Variants in CLASRP observed in about 807,000 individuals in gnomAD.
CLASRP encodes CLK4-associating serine/arginine rich protein.
In CLASRP, 52 loss-of-function variants were observed where a neutral mutation model predicts 99.9. The ratio of observed to expected loss-of-function variants is 0.52; its 90% CI spans 0.42 to 0.66. CLASRP has a LOEUF of 0.66. Among genes scored for constraint, CLASRP ranks in the 30% least tolerant of loss-of-function variants. CLASRP has a pLI of 0.00. For synonymous variants in CLASRP, 379 were observed against 373.0 expected (o/e 1.02, Z -0.18); for missense variants, 848 against 999.2 (o/e 0.85, Z 2.04).
intron 18 of CLASRP, 21 bp downstream of exon 18, chr19:45,069,269 G>C (rs1292490465): frequency 6.2e-7 from 1 of 1,611,820 alleles, no homozygotes; most frequent in African/African-American, 1.3e-5. Context: ...GCCCCTCCCT[G>C]TCCCATGGCC....
At chr19:45,063,048 A>G (rs964334018) in intron 11 of CLASRP, among the ~76,000 whole-genome samples, 2 of 152,170 alleles carry the variant, frequency 1.3e-5, no homozygotes, top group East Asian at 3.8e-4. Flanking sequence ...AGATGAGATA[A>G]GGTGTTGAAT....
chr19:45,041,389 T>G (rs1971810894), intron 2 of CLASRP, among the ~76,000 whole-genome samples: 1 of 152,120 alleles, frequency 6.6e-6, no homozygotes, highest in Non-Finnish European at 1.5e-5. Flanking sequence ...AGCTTCATAC[T>G]CGGACAGCTC....
rs910164173 is a variant in CLASRP, at chr19:45,067,760, T to G, written c.1667+166T>G. ...ATTTCAGGGGGACACAGCCCTGGCC[T>G]GGGGGGTCTGAGGAGGACACACCAA... is the stretch of plus-strand genomic sequence containing the variant. On this transcript the variant is annotated intron_variant, in intron 14 of 20. Coordinates refer to ENST00000221455, the MANE Select transcript of CLASRP (RefSeq NM_007056.3). The surrounding 1 kb of genome is among the most constrained non-coding windows in gnomAD (Gnocchi z 4.9). 6.6e-6 allele frequency among the ~76,000 whole-genome samples: 1 copy of G among 151,730 alleles called. No individual in the cohort carries two copies. Among genetic ancestry groups the G allele is most frequent in the Non-Finnish European group, 1.5e-5 (1 of 67,910 alleles).
rs565826228 is a variant in CLASRP, at chr19:45,058,918, CTCCT to C, written c.614-340_614-337del. On this transcript the variant is annotated intron_variant, in intron 7 of 20. Coordinates refer to ENST00000221455, the MANE Select transcript of CLASRP (RefSeq NM_007056.3). The stretch of plus-strand genomic sequence containing the variant: ...CCTCCCTCCCTCCATCCACCCATCC[CTCCT>C]TCCTTCCTTGCCTCCATTCCATTCA... Among the ~76,000 whole-genome samples the C allele has an allele frequency of 1.4e-3, 217 of 152,138 alleles. 2 individuals are homozygous for C. The highest frequency in any genetic ancestry group is 4.8e-3 in the African/African-American group (200 of 41,506).
chr19:45,058,535 G>C (rs1344224649), intron 7 of CLASRP, among the ~76,000 whole-genome samples: 1 of 152,054 alleles, frequency 6.6e-6, no homozygotes, highest in Non-Finnish European at 1.5e-5. Context: ...AAAGGCACAC[G>C]CCACCACGCC....
intron 18 of CLASRP, chr19:45,069,748 C>T (rs1277950526): frequency 8.1e-6 from 4 of 492,528 alleles, no homozygotes; most frequent in Non-Finnish European, 1.5e-5. Context: ...TCAACACTCA[C>T]TGTGTGCAGG....
At position 45,070,858 on chromosome 19, in the gene CLASRP, G is replaced by A. The variant is rs773898880; in HGVS notation, c.*13G>A. ...TTACCGACATTAGGCAGAAGAGTGG[G>A]GGGTGGGGAGGACAAGGGGGTGGGT... is the stretch of plus-strand genomic sequence containing the variant. On this transcript the variant is annotated 3_prime_UTR_variant, in exon 21 of 21. Coordinates refer to ENST00000221455, the MANE Select transcript of CLASRP (RefSeq NM_007056.3). 44 of 1,541,908 alleles carry A rather than the reference G, an allele frequency of 2.9e-5. No individual in the cohort carries two copies. Among genetic ancestry groups the A allele is most frequent in the Non-Finnish European group, 3.5e-5 (39 of 1,118,646 alleles).
chr19:45,058,114 A>G (rs967227789), intron 7 of CLASRP: 5 of 602,762 alleles, frequency 8.3e-6, no homozygotes, highest in South Asian at 4.0e-5. Context: ...CTAGGGTGCT[A>G]TTTCTATGAT....
At position 45,067,983 on chromosome 19, in the gene CLASRP, C is replaced by G; in HGVS notation, c.1668-32C>G. On this transcript the variant is annotated intron_variant, in intron 14 of 20. Coordinates refer to ENST00000221455, the MANE Select transcript of CLASRP (RefSeq NM_007056.3). The surrounding 1 kb of genome is among the most constrained non-coding windows in gnomAD (Gnocchi z 4.9). ...GGTGGCAGCTGCCCTTTCCCCCTCCCAACCATGTCCTCTGGCCCTGCCCCC... is the reference window on the plus strand; with the variant it reads ...GGTGGCAGCTGCCCTTTCCCCCTCCGAACCATGTCCTCTGGCCCTGCCCCC... 1 of 1,575,312 alleles carries G rather than the reference C, an allele frequency of 6.3e-7. No individual in the cohort carries two copies. Among genetic ancestry groups the G allele is most frequent in the Non-Finnish European group, 8.7e-7 (1 of 1,144,766 alleles).
rs1224215061 is a variant in CLASRP at position 45,060,818 on chromosome 19, G to A, written c.863+191G>A. Among the ~76,000 whole-genome samples, 1 of 152,206 alleles carries A rather than the reference G, an allele frequency of 6.6e-6. No homozygotes were observed. The highest frequency in any genetic ancestry group is 2.4e-5 in the African/African-American group (1 of 41,438). On this transcript the variant is annotated intron_variant, in intron 10 of 20. Transcript: ENST00000221455. This position sits in a 1 kb window ranked among gnomAD's most constrained non-coding sequence, Gnocchi z 4.6. Reference sequence around the variant, plus strand: ...GAGGGCCATGTGGACTCCTTTCCTTGCCAGCCCCTCCCCTCACCCTACTGG... The same window carrying A: ...GAGGGCCATGTGGACTCCTTTCCTTACCAGCCCCTCCCCTCACCCTACTGG...
intron 11 of CLASRP, among the ~76,000 whole-genome samples, chr19:45,062,464 G>A (rs1407004329): frequency 6.6e-6 from 1 of 152,104 alleles, no homozygotes; most frequent in Non-Finnish European, 1.5e-5. Flanking sequence ...TACAAGCTCC[G>A]CCTCCCAGGT....
At chr19:45,051,189 G>A (rs1972016071) in intron 2 of CLASRP, among the ~76,000 whole-genome samples, 3 of 152,076 alleles carry the variant, frequency 2.0e-5, no homozygotes, top group Admixed American at 2.0e-4. Flanking sequence ...CTAAATGAAC[G>A]GCCCGGAGGA....
chr19:45,066,871 G>T (rs908933192), intron 13 of CLASRP, among the ~76,000 whole-genome samples: 1 of 152,122 alleles, frequency 6.6e-6, no homozygotes, highest in Non-Finnish European at 1.5e-5. Context: ...TTGTGGGTCT[G>T]TGCTGAGACT....
chr19:45,066,409 C>A lies in CLASRP; in HGVS notation c.1410-928C>A, dbSNP rs910339581. Among the ~76,000 whole-genome samples, 51 of 152,150 alleles carry A rather than the reference C, an allele frequency of 3.4e-4. 1 individual carries two copies. The highest frequency in any genetic ancestry group is 3.4e-3 in the Middle Eastern group (1 of 294). ...CTGGGATTACAGGCGTGAGCCACCG[C>A]GCCTGGCCCTTGTTTTCTTAATAAT... On this transcript the variant is annotated intron_variant, in intron 13 of 20. Coordinates refer to ENST00000221455, the MANE Select transcript of CLASRP (RefSeq NM_007056.3).
At chr19:45,052,649 G>A in intron 3 of CLASRP, 142 bp from the exon 4 acceptor site, 5 of 632,868 alleles carry the variant, frequency 7.9e-6, no homozygotes, top group Non-Finnish European at 1.4e-5. Flanking sequence ...AGAGCTGGGG[G>A]TTGAGGTGAG....
At chr19:45,069,732 A>AC in intron 18 of CLASRP, 2 of 472,580 alleles carry the variant, frequency 4.2e-6, no homozygotes, top group Non-Finnish European at 7.7e-6. Flanking sequence ...TGTGACGGAG[A>AC]CCATTTCAAC....
rs1405288542 is a variant in CLASRP, at chr19:45,064,517, T to TTCCCGG, written c.1302_1307dup (p.Ser437_Arg438dup). ...GCTCCCGCTCCCGCTCCCGGCGCTA[T>TTCCCGG]TCCCGGTCCCGTAGCCGTGGCCGGC... On this transcript the variant is annotated inframe_insertion, in exon 13 of 21. Coordinates refer to ENST00000221455, the MANE Select transcript of CLASRP (RefSeq NM_007056.3). The TTCCCGG allele has an allele frequency of 2.0e-6, 3 of 1,536,578 alleles. No homozygotes were observed. Among genetic ancestry groups the TTCCCGG allele is most frequent in the Non-Finnish European group, 1.7e-6 (2 of 1,145,598 alleles).
chr19:45,068,351 T>C (rs1158746704), intron 15 of CLASRP, 69 bp from the exon 16 acceptor site: 4 of 783,572 alleles, frequency 5.1e-6, no homozygotes, highest in Non-Finnish European at 6.7e-6. Context: ...CCCAGGCTTT[T>C]GGCTGAGGTG....
At chr19:45,056,084 C>T (rs1440829619) in intron 5 of CLASRP, among the ~76,000 whole-genome samples, 2 of 152,056 alleles carry the variant, frequency 1.3e-5, no homozygotes, top group Non-Finnish European at 2.9e-5. Flanking sequence ...GTCAGAATGG[C>T]GTGTGGCACT....
Sources: allele counts gnomAD v4.1 joint callset (sites outside exome capture counted in the v4.1 genomes callset), GRCh38; gene constraint gnomAD v4.1.1; non-coding constraint Gnocchi (gnomAD v3.1); transcripts MANE v1.5; gene names NCBI Gene and HGNC (gene_info 2026-07-23, HGNC 2026-07-21).